Variants in IQGAP1 observed in about 807,000 individuals in gnomAD.
IQGAP1 encodes IQ motif containing GTPase activating protein 1.
IQGAP1 carries 66 observed loss-of-function variants against 215.6 expected under a neutral mutation model. The observed-to-expected ratio is 0.31, with a 90% CI of 0.25 to 0.38. The LOEUF is 0.38. Among genes scored for constraint, IQGAP1 ranks in the 10% least tolerant of loss-of-function variants. The pLI is 1.00. For synonymous variants in IQGAP1, 772 were observed against 728.7 expected, an observed-to-expected ratio of 1.06 and a Z score of -0.96; for missense variants, 1,712 against 1,997.1, an observed-to-expected ratio of 0.86 and a Z score of 2.72.
At chr15:90,407,206 A>G (rs1264972157) in intron 2 of IQGAP1, among the ~76,000 whole-genome samples, 2 of 152,206 alleles carry the variant, frequency 1.3e-5, no homozygotes, top group African/African-American at 4.8e-5. Context: ...CTGGGATGAG[A>G]GCGTGTTCGA....
intron 4 of IQGAP1, among the ~76,000 whole-genome samples, chr15:90,431,031 CAT>C (rs1272982487): frequency 2.0e-5 from 3 of 146,518 alleles, no homozygotes; most frequent in Non-Finnish European, 3.0e-5. Context: ...AATATATAAT[CAT>C]ATATACAATA....
chr15:90,473,512 T>C (rs1399463032), intron 19 of IQGAP1: 2 of 558,392 alleles, frequency 3.6e-6, no homozygotes, highest in Admixed American at 6.1e-5. Flanking sequence ...TGTGCTGACG[T>C]TGGGGAAGTA....
chr15:90,408,094 A>ACACT (rs1964906110), intron 2 of IQGAP1, among the ~76,000 whole-genome samples: 2 of 152,246 alleles, frequency 1.3e-5, no homozygotes, highest in Non-Finnish European at 1.5e-5. Context: ...GGAAAGCATA[A>ACACT]CACTATGTAT....
At chr15:90,388,638 G>A (rs182492535) in intron 1 of IQGAP1, among the ~76,000 whole-genome samples, 2 of 152,102 alleles carry the variant, frequency 1.3e-5, no homozygotes, top group African/African-American at 2.4e-5. Context: ...GGCCGCGGTA[G>A]GGGGAGCCCC....
chr15:90,470,698 C>T (rs886407532), intron 18 of IQGAP1, among the ~76,000 whole-genome samples: 3 of 152,144 alleles, frequency 2.0e-5, no homozygotes, highest in African/African-American at 7.2e-5. Flanking sequence ...TCTTGGCTCA[C>T]AGCAGTGTGG....
intron 15 of IQGAP1, among the ~76,000 whole-genome samples, chr15:90,457,459 C>G (rs1249322478): frequency 6.6e-6 from 1 of 151,358 alleles, no homozygotes; most frequent in Non-Finnish European, 1.5e-5. Context: ...CGGAGTCTTG[C>G]TCTGTCACCC....
Position 90,500,338 on chromosome 15 carries a change from A to G in IQGAP1, c.*230A>G, listed in dbSNP as rs1966325963. On this transcript the variant is annotated 3_prime_UTR_variant, in exon 38 of 38. Coordinates refer to ENST00000268182, the MANE Select transcript of IQGAP1 (RefSeq NM_003870.4). ...TTAGTCTGACCTTTCTGGTTTCTTC[A>G]TTTTCTTCCATTACTTAGGAAAGAG... is the stretch of plus-strand genomic sequence containing the variant. 1.2e-5 allele frequency: 5 copies of G among 424,502 alleles called. No homozygotes were observed. The highest frequency in any genetic ancestry group is 5.9e-5 in the African/African-American group (3 of 50,694). 26.3% of individuals were successfully genotyped at this position (424,502 alleles called of 1,614,324 possible).
chr15:90,471,578 C>G (rs1229808688), intron 18 of IQGAP1, among the ~76,000 whole-genome samples: 1 of 151,874 alleles, frequency 6.6e-6, no homozygotes, highest in African/African-American at 2.4e-5. Flanking sequence ...TGGCTCACCA[C>G]AGCTTCCGCC....
chr15:90,449,045 T>C (rs545191351), intron 10 of IQGAP1, among the ~76,000 whole-genome samples: 2 of 152,308 alleles, frequency 1.3e-5, no homozygotes, highest in South Asian at 4.1e-4. Context: ...TGAATATTTT[T>C]GCATTCTTAC....
In IQGAP1 at chr15:90,472,925, G is replaced by C. The variant is rs200740824; in HGVS notation, c.2264G>C (p.Arg755Pro). 28 of 1,613,788 alleles carry C rather than the reference G, an allele frequency of 1.7e-5. No homozygotes were observed. Among genetic ancestry groups the C allele is most frequent in the Non-Finnish European group, 2.3e-5 (27 of 1,179,940 alleles). ...GGCCTGATCACCAGGCTGCAGGCTCGCTGCCGTGGATACTTAGTTCGACAG... is the reference window on the plus strand; with the variant it reads ...GGCCTGATCACCAGGCTGCAGGCTCCCTGCCGTGGATACTTAGTTCGACAG... ...NEGLITRLQA[R>P]CRGYLVRQEF... The change falls in exon 19 of 38, where the codon CGC becomes CCC. Residue 755 changes from arginine to proline, a missense_variant. Physicochemically the swap from Arg to Pro is moderately radical, Grantham distance 103. Around this residue, in one of 2 missense-constraint regions of IQGAP1, gnomAD observed 1,021 missense variants for 1,074.2 expected, o/e 0.95. Coordinates refer to ENST00000268182, the MANE Select transcript of IQGAP1 (RefSeq NM_003870.4).
In IQGAP1 at chr15:90,456,343, G is replaced by A; in HGVS notation, c.1776+28G>A. On this transcript the variant is annotated intron_variant, in intron 15 of 37. Transcript: ENST00000268182. ...GAGTGGCATCGGAATTGTTCTTTAT[G>A]TTCAGAGCACCTCAGCCCTCCTAGA... is the stretch of plus-strand genomic sequence containing the variant. 3 of 1,611,392 alleles carry A rather than the reference G, an allele frequency of 1.9e-6. No homozygotes were observed. In the South Asian group the frequency reaches 3.3e-5, roughly 18 times the overall value.
chr15:90,401,285 T>C (rs568618984), intron 2 of IQGAP1, among the ~76,000 whole-genome samples: 1 of 152,318 alleles, frequency 6.6e-6, no homozygotes, highest in African/African-American at 2.4e-5. Flanking sequence ...TAATGGTTTA[T>C]TTTGAAGAGT....
chr15:90,388,672 G>A (rs996575800), intron 1 of IQGAP1, among the ~76,000 whole-genome samples: 6 of 152,124 alleles, frequency 3.9e-5, no homozygotes, highest in African/African-American at 1.4e-4. Flanking sequence ...CGCCGCCCAG[G>A]CTCGGCCGAG....
At position 90,488,756 on chromosome 15, in the gene IQGAP1, CAA is replaced by C. The variant is rs530008784; in HGVS notation, c.4248+1175_4248+1176del. Among the ~76,000 whole-genome samples, 133 of 152,180 alleles carry C rather than the reference CAA, an allele frequency of 8.7e-4. 1 individual carries two copies. Among genetic ancestry groups the C allele is most frequent in the African/African-American group, 2.8e-3 (116 of 41,508 alleles). On this transcript the variant is annotated intron_variant, in intron 33 of 37. Transcript: ENST00000268182. ...AAAGGATTTGGGTGTGCATGTAAGA[CAA>C]GAGAGGGCATTCGAGGCAGGAGAGC... is the stretch of plus-strand genomic sequence containing the variant.
chr15:90,442,346 C>G (rs1965463154), intron 8 of IQGAP1, among the ~76,000 whole-genome samples: 1 of 151,602 alleles, frequency 6.6e-6, no homozygotes, highest in Non-Finnish European at 1.5e-5. Context: ...ATCCCAGGTA[C>G]TTGGGAGGCT....
chr15:90,407,624 G>A (rs1037016348), intron 2 of IQGAP1, among the ~76,000 whole-genome samples: 7 of 152,166 alleles, frequency 4.6e-5, no homozygotes, highest in African/African-American at 1.7e-4. Context: ...TCTAACCTAA[G>A]TATTTTCTCG....
intron 2 of IQGAP1, among the ~76,000 whole-genome samples, chr15:90,412,300 T>C (rs191893882): frequency 6.6e-6 from 1 of 152,348 alleles, no homozygotes; most frequent in East Asian, 1.9e-4. Flanking sequence ...TCATTTTGCT[T>C]GTATGGTTTG....
intron 11 of IQGAP1, 134 bp from the exon 12 acceptor site, chr15:90,452,641 A>G: frequency 1.0e-6 from 1 of 962,756 alleles, no homozygotes; most frequent in South Asian, 1.7e-5. Flanking sequence ...CTGCTTTTTT[A>G]AAGACGAAAG....
intron 9 of IQGAP1, among the ~76,000 whole-genome samples, chr15:90,446,263 A>G (rs182109677): frequency 1.2e-4 from 18 of 152,320 alleles, no homozygotes; most frequent in Non-Finnish European, 2.2e-4. Context: ...TATAAGAATC[A>G]GTTGTGAGCA....
Sources: allele counts gnomAD v4.1 joint callset (sites outside exome capture counted in the v4.1 genomes callset), GRCh38; gene constraint gnomAD v4.1.1; regional missense constraint gnomAD v4.1.1; transcripts MANE v1.5; gene names NCBI Gene and HGNC (gene_info 2026-07-23, HGNC 2026-07-21).